USH2A: variants seen among roughly 807,000 people sequenced by gnomAD.
The protein encoded by USH2A is usherin.
A neutral mutation model predicts 538.9 loss-of-function variants in USH2A; 443 were observed. The ratio of observed to expected loss-of-function variants is 0.82; its 90% CI spans 0.76 to 0.89. The LOEUF (loss-of-function observed/expected upper bound fraction) is 0.89. Among genes scored for constraint, USH2A ranks in the 40% least tolerant of loss-of-function variants. The pLI, the probability that USH2A is intolerant of heterozygous loss-of-function variation, is 0.00. For synonymous variants in USH2A, 2,413 were observed against 2,273.5 expected, an observed-to-expected ratio of 1.06 and a Z score of -1.75; for missense variants, 6,633 against 6,324.8, an observed-to-expected ratio of 1.05 and a Z score of -1.65.
chr1:216,341,193 C>G lies in USH2A; in HGVS notation c.785-13539G>C, dbSNP rs542290921. ...TGCAAAGATCACAAGCATTTCTATA[C>G]ACCAAAAATAGACAAGCAGAGAACC... On this transcript the variant is annotated intron_variant, in intron 4 of 71. Coordinates refer to ENST00000307340, the MANE Select transcript of USH2A (RefSeq NM_206933.4). Among the ~76,000 whole-genome samples, 24 of 152,144 alleles carry G rather than the reference C, an allele frequency of 1.6e-4. No homozygotes were observed. In the East Asian group the frequency reaches 1.9e-3, roughly 12 times the overall value.
intron 14 of USH2A, among the ~76,000 whole-genome samples, chr1:216,228,295 T>C (rs1299705414): frequency 1.3e-5 from 2 of 151,986 alleles, no homozygotes; most frequent in Non-Finnish European, 2.9e-5. Flanking sequence ...CATGTCAAAG[T>C]AGTTTAAAAT....
chr1:216,243,012 A>C (rs1053537524), intron 13 of USH2A, among the ~76,000 whole-genome samples: 2 of 152,240 alleles, frequency 1.3e-5, no homozygotes, highest in Non-Finnish European at 2.9e-5. Flanking sequence ...ATGTTTATCT[A>C]TATGAAAATA....
In USH2A at chr1:216,199,655, T is replaced by C. The variant is rs200698585; in HGVS notation, c.3783A>G (p.Val1261=). 2.5e-6 allele frequency: 4 copies of C among 1,614,136 alleles called. No homozygotes were observed. Among genetic ancestry groups the C allele is most frequent in the East Asian group, 4.5e-5 (2 of 44,862 alleles). The change falls in exon 17 of 72, where the codon GTA becomes GTG. Residue 1261 remains valine, a synonymous_variant. Coordinates refer to ENST00000307340, the MANE Select transcript of USH2A (RefSeq NM_206933.4). ...MQKISSTELH[V]EWSPPAELNG... is the part of the protein sequence containing the mutation. ...TTAGTTCCGCTGGTGGAGACCATTC[T>C]ACATGAAGTTCTGTAGAACTGATTT...
intron 3 of USH2A, among the ~76,000 whole-genome samples, chr1:216,404,812 C>G (rs939063400): frequency 6.6e-6 from 1 of 151,792 alleles, no homozygotes; most frequent in Non-Finnish European, 1.5e-5. Context: ...TTAGTAGAGA[C>G]GAGGTTTCAC....
At position 215,675,498 on chromosome 1, in the gene USH2A, G is replaced by A; in HGVS notation, c.12413C>T (p.Ala4138Val). The A allele has an allele frequency of 6.2e-7, 1 of 1,614,068 alleles. No individual in the cohort carries two copies. The highest frequency in any genetic ancestry group is 8.5e-7 in the Non-Finnish European group (1 of 1,180,000). The change falls in exon 63 of 72, where the codon GCA becomes GTA. Residue 4138 changes from alanine (A) to valine (V), a missense_variant. Physicochemically the swap from Ala to Val is moderately conservative, Grantham distance 64. Transcript: ENST00000307340. Reference protein sequence around the residue: ...YTLTLEACTRAGCAHSAPQPL... With the variant: ...YTLTLEACTRVGCAHSAPQPL... ...CTGAGGCGCCGAGTGTGCACAACCTGCTCTGGTGCAGGCCTCCAGGGTCAG... is the reference window on the plus strand; with the variant it reads ...CTGAGGCGCCGAGTGTGCACAACCTACTCTGGTGCAGGCCTCCAGGGTCAG...
At chr1:216,075,822 A>G (rs890318821) in intron 27 of USH2A, among the ~76,000 whole-genome samples, 2 of 150,944 alleles carry the variant, frequency 1.3e-5, no homozygotes, top group Non-Finnish European at 2.9e-5. Context: ...TTAGTCTTGT[A>G]TCTGGTTCGG....
chr1:216,201,292 C>A (rs1173415119), intron 16 of USH2A, among the ~76,000 whole-genome samples: 2 of 150,366 alleles, frequency 1.3e-5, no homozygotes, highest in African/African-American at 4.9e-5. Flanking sequence ...TAAACCTAGG[C>A]ATTCCCAGTC....
chr1:216,298,002 TG>T (rs2037139514), intron 9 of USH2A, among the ~76,000 whole-genome samples: 1 of 152,234 alleles, frequency 6.6e-6, no homozygotes, highest in Non-Finnish European at 1.5e-5. Context: ...GCAATTTACC[TG>T]ATTCCCAATA....
At chr1:216,299,379 CTAGA>C (rs2037170458) in intron 9 of USH2A, among the ~76,000 whole-genome samples, 1 of 151,678 alleles carries the variant, frequency 6.6e-6, no homozygotes. Context: ...ATCCTCTATT[CTAGA>C]TAAAGGTGGA....
Position 216,055,638 on chromosome 1 carries a change from C to T in USH2A, c.6050-6991G>A, listed in dbSNP as rs114824374. ...GACATTTGTTAAATATGGATGAAAA[C>T]TTAACTATCTAATAGAGATCTGGAA... On this transcript the variant is annotated intron_variant, in intron 30 of 71. Coordinates refer to ENST00000307340, the MANE Select transcript of USH2A (RefSeq NM_206933.4). Among the ~76,000 whole-genome samples the T allele has an allele frequency of 2.2e-3, 340 of 152,276 alleles. 2 individuals are homozygous for T. Among genetic ancestry groups the T allele is most frequent in the African/African-American group, 8.0e-3 (334 of 41,548 alleles).
chr1:216,146,205 C>T (rs947073185), intron 21 of USH2A, among the ~76,000 whole-genome samples: 2 of 152,176 alleles, frequency 1.3e-5, no homozygotes, highest in Non-Finnish European at 2.9e-5. Context: ...ATCCGGTAAG[C>T]GGCCTTTTTT....
intron 40 of USH2A, among the ~76,000 whole-genome samples, chr1:215,894,543 G>T (rs749425182): frequency 6.6e-6 from 1 of 152,000 alleles, no homozygotes; most frequent in South Asian, 2.1e-4. Flanking sequence ...CAGGAAAAAT[G>T]GTTTTGTTTT....
chr1:215,827,545 A>AG (rs1663189434), intron 47 of USH2A, among the ~76,000 whole-genome samples: 1 of 152,162 alleles, frequency 6.6e-6, no homozygotes, highest in Non-Finnish European at 1.5e-5. Context: ...CTATTCTATT[A>AG]AGGTCTCCTT....
intron 11 of USH2A, among the ~76,000 whole-genome samples, chr1:216,284,034 C>A (rs1364375697): frequency 6.6e-6 from 1 of 151,984 alleles, no homozygotes; most frequent in African/African-American, 2.4e-5. Flanking sequence ...TATTAAATTC[C>A]TAATGATGTT....
chr1:215,730,019 A>G (rs1453329476), intron 60 of USH2A, among the ~76,000 whole-genome samples: 1 of 152,126 alleles, frequency 6.6e-6, no homozygotes, highest in African/African-American at 2.4e-5. Flanking sequence ...AATTCTTTCA[A>G]CTGTCTGAGG....
At chr1:216,215,948 T>C (rs2035334072) in intron 15 of USH2A, among the ~76,000 whole-genome samples, 1 of 152,024 alleles carries the variant, frequency 6.6e-6, no homozygotes, top group African/African-American at 2.4e-5. Flanking sequence ...CCAGACTATG[T>C]CTCAAATGCA....
chr1:216,271,337 T>G (rs932567199), intron 11 of USH2A, among the ~76,000 whole-genome samples: 2 of 152,104 alleles, frequency 1.3e-5, no homozygotes, highest in Admixed American at 6.6e-5. Context: ...ATCCCGTCCT[T>G]ACTTAGAATA....
chr1:216,350,582 A>T (rs1243870762), intron 4 of USH2A, among the ~76,000 whole-genome samples: 1 of 152,106 alleles, frequency 6.6e-6, no homozygotes, highest in African/African-American at 2.4e-5. Flanking sequence ...GCAGTCATCA[A>T]ATTTTAGTGC....
At chr1:215,886,844 T>C (rs929710945) in intron 41 of USH2A, among the ~76,000 whole-genome samples, 1 of 152,156 alleles carries the variant, frequency 6.6e-6, no homozygotes, top group Non-Finnish European at 1.5e-5. Context: ...ACTGAGTTCC[T>C]CCTCTGAAAA....
Sources: allele counts gnomAD v4.1 joint callset (sites outside exome capture counted in the v4.1 genomes callset), GRCh38; gene constraint gnomAD v4.1.1; transcripts MANE v1.5; gene names NCBI Gene and HGNC (gene_info 2026-07-23, HGNC 2026-07-21).